The following SLC22A5 variants were observed in gnomAD, a reference collection of about 807,000 sequenced individuals.
SLC22A5 encodes the protein solute carrier family 22 member 5.
A neutral mutation model predicts 56.7 loss-of-function variants in SLC22A5; 44 were observed. That is an observed-to-expected ratio of 0.78 (90% CI 0.61 to 1.00). The LOEUF is 1.00. Among genes scored for constraint, SLC22A5 ranks in the 50% least tolerant of loss-of-function variants. The pLI is 0.00. For synonymous variants in SLC22A5, 278 were observed against 292.1 expected, an observed-to-expected ratio of 0.95 and a Z score of 0.49; for missense variants, 675 against 723.0, an observed-to-expected ratio of 0.93 and a Z score of 0.76.
intron 6 of SLC22A5, chr5:132,389,968 G>A (rs2126788999): frequency 6.4e-6 from 1 of 156,892 alleles, no homozygotes; most frequent in African/African-American, 2.4e-5. Context: ...TATTGTACCA[G>A]CTGTGTGTTC....
chr5:132,385,205 G>C lies in SLC22A5; in HGVS notation c.653-123G>C. On this transcript the variant is annotated intron_variant, in intron 3 of 9. Coordinates refer to ENST00000245407, the MANE Select transcript of SLC22A5 (RefSeq NM_003060.4). ...TTCAGAACGCCATCCGCTCCCTAGC[G>C]CCATGAACTTAGAGAGAGTTCTCGC... is the stretch of plus-strand genomic sequence containing the variant. The C allele has an allele frequency of 9.9e-6, 9 of 909,244 alleles. No homozygotes were observed. The South Asian group carries it at 1.2e-4, about 12-fold the overall frequency. The allele number at this position is 909,244 out of a possible 1,614,324, so 56.3% of individuals were successfully genotyped here.
In SLC22A5 at chr5:132,394,353, T is replaced by G. The variant is rs1326358288; in HGVS notation, c.*81T>G. 2 of 998,936 alleles carry G rather than the reference T, an allele frequency of 2.0e-6. No homozygotes were observed. Among genetic ancestry groups the G allele is most frequent in the Non-Finnish European group, 3.1e-6 (2 of 652,822 alleles). 61.9% of individuals were successfully genotyped at this position (998,936 alleles called of 1,614,324 possible). A position where few individuals can be genotyped will look rare whatever the true frequency, so the allele number is the denominator to read the frequency against. ...CCAGCTTGTGCAGACTCCGAGTCCT[T>G]CAGTGACAAAAGGCCTTTGCTGTTT... On this transcript the variant is annotated 3_prime_UTR_variant, in exon 10 of 10. Transcript: ENST00000245407.
At position 132,378,367 on chromosome 5, in the gene SLC22A5, T is replaced by C. The variant is rs1279716415; in HGVS notation, c.394-11T>C. ...GAAGTGAATGATACACCCCCTTTGC[T>C]CATCTTGCAGTGGAACCTGGTGTGT... is the stretch of plus-strand genomic sequence containing the variant. On this transcript the variant is annotated splice_polypyrimidine_tract_variant and intron_variant, in intron 1 of 9. Transcript: ENST00000245407. 6.2e-7 allele frequency: 1 copy of C among 1,613,746 alleles called. No individual in the cohort carries two copies. The highest frequency in any genetic ancestry group is 8.5e-7 in the Non-Finnish European group (1 of 1,179,596).
At chr5:132,389,337 G>A (rs1473369502) in intron 6 of SLC22A5, 11 of 368,994 alleles carry the variant, frequency 3.0e-5, no homozygotes, top group African/African-American at 8.5e-5. Flanking sequence ...CCCAGTTACC[G>A]ACAGTGGCTG....
intron 3 of SLC22A5, among the ~76,000 whole-genome samples, chr5:132,384,872 G>A (rs887163754): frequency 1.4e-4 from 22 of 152,232 alleles, no homozygotes; most frequent in Admixed American, 9.2e-4. Flanking sequence ...CTGCCAGGCC[G>A]GCCTGTGTTT....
In SLC22A5 at chr5:132,370,217, G is replaced by T. The variant is rs986913287; in HGVS notation, c.245G>T (p.Arg82Leu). 3 of 1,586,004 alleles carry T rather than the reference G, an allele frequency of 1.9e-6. No homozygotes were observed. The African/African-American group carries it at 4.0e-5, about 21-fold the overall frequency. Residue 82 changes from arginine to leucine, a missense_variant, in exon 1 of 10, where the codon CGC becomes CTC. Physicochemically the swap from Arg to Leu is moderately radical, Grantham distance 102 (BLOSUM62 -2). Coordinates refer to ENST00000245407, the MANE Select transcript of SLC22A5 (RefSeq NM_003060.4). Reference sequence around the variant, plus strand: ...GGCCGCGAGGTGCCCCACAGCTGCCGCCGCTACCGGCTCGCCACCATCGCC... The same window carrying T: ...GGCCGCGAGGTGCCCCACAGCTGCCTCCGCTACCGGCTCGCCACCATCGCC... ...RDGREVPHSC[R>L]RYRLATIANF...
At chr5:132,376,002 A>G (rs978382969) in intron 1 of SLC22A5, 1 of 152,204 alleles carries the variant, frequency 6.6e-6, no homozygotes, top group Admixed American at 6.5e-5. Context: ...GGAGCTAAGG[A>G]ATGCTAGACT....
intron 1 of SLC22A5, 132 bp downstream of exon 1, chr5:132,370,497 G>A: frequency 2.8e-6 from 3 of 1,063,638 alleles, no homozygotes; most frequent in South Asian, 1.5e-5. Context: ...CAACACCCTA[G>A]CGATGGAGAC....
intron 2 of SLC22A5, chr5:132,382,837 A>G (rs1752396999): frequency 2.0e-5 from 3 of 152,166 alleles, no homozygotes; most frequent in Admixed American, 1.3e-4. Context: ...TAATTTATTG[A>G]TATCCAAGTG....
At position 132,370,067 on chromosome 5, in the gene SLC22A5, A is replaced by G. The variant is rs72552725; in HGVS notation, c.95A>G (p.Asn32Ser). 2.4e-5 allele frequency: 39 copies of G among 1,612,846 alleles called. No homozygotes were observed. Among genetic ancestry groups the G allele is most frequent in the South Asian group, 9.9e-5 (9 of 91,056 alleles). ...CTGCTCAGCGCCAGCATCATCCCCA[A>G]TGGCTTCACCGGCCTGTCCTCCGTG... ...FFLLSASIIPNGFTGLSSVFL... is the reference protein window; with the variant it reads ...FFLLSASIIPSGFTGLSSVFL... Residue 32 changes from asparagine to serine, a missense_variant, in exon 1 of 10, where the codon AAT becomes AGT. Asn to Ser is a conservative substitution (Grantham distance 46, BLOSUM62 1). Coordinates refer to ENST00000245407, the MANE Select transcript of SLC22A5 (RefSeq NM_003060.4).
At chr5:132,379,410 A>C (rs1024354108) in intron 2 of SLC22A5, 4 of 152,216 alleles carry the variant, frequency 2.6e-5, no homozygotes, top group Admixed American at 2.6e-4. Flanking sequence ...GCCTCAAGCA[A>C]TCCTCCCTCC....
intron 1 of SLC22A5, among the ~76,000 whole-genome samples, chr5:132,374,467 G>T (rs2126771134): frequency 6.6e-6 from 1 of 152,282 alleles, no homozygotes; most frequent in East Asian, 1.9e-4. Flanking sequence ...TGGGAGCTGG[G>T]ACCGGGGCTG....
Position 132,389,019 on chromosome 5 carries a change from G to A in SLC22A5, c.1050G>A (p.Leu350=), listed in dbSNP as rs1330529673. The change falls in exon 6 of 10, where the codon CTG becomes CTA. Residue 350 remains leucine (L), a splice_region_variant and synonymous_variant. Coordinates refer to ENST00000245407, the MANE Select transcript of SLC22A5 (RefSeq NM_003060.4). ...TGGTCACCATCATGTCCATAATGCT[G>A]TGGTATGTAAAAGAGACCTGCCTGA... The part of the protein sequence containing the change: ...IRMVTIMSIM[L]WMTISVGYFG... 2 of 1,607,048 alleles carry A rather than the reference G, an allele frequency of 1.2e-6. No individual in the cohort carries two copies. Among genetic ancestry groups the A allele is most frequent in the South Asian group, 1.1e-5 (1 of 90,948 alleles).
intron 2 of SLC22A5, 151 bp downstream of exon 2, chr5:132,378,632 C>A: frequency 1.5e-6 from 1 of 686,654 alleles, no homozygotes. Flanking sequence ...AGACTCCATG[C>A]CTAGTAAGAA....
chr5:132,386,363 G>A (rs932497884), intron 4 of SLC22A5, among the ~76,000 whole-genome samples: 4 of 151,978 alleles, frequency 2.6e-5, no homozygotes, highest in South Asian at 2.1e-4. Flanking sequence ...GAGTAGCTGG[G>A]ACTACAGGTG....
At chr5:132,383,952 C>A in intron 2 of SLC22A5, 195 bp from the exon 3 acceptor site, 1 of 636,358 alleles carries the variant, frequency 1.6e-6, no homozygotes, top group Non-Finnish European at 2.8e-6. Flanking sequence ...CCAGGCTGTA[C>A]ATTTGTCATG....
chr5:132,387,237 C>G, intron 5 of SLC22A5, 86 bp downstream of exon 5: 1 of 1,521,130 alleles, frequency 6.6e-7, no homozygotes, highest in Non-Finnish European at 9.1e-7. Context: ...CCTCCCTGCT[C>G]ACAGCAGCCC....
intron 9 of SLC22A5, 102 bp from the exon 10 acceptor site, chr5:132,394,083 G>A (rs1752797189): frequency 2.3e-6 from 2 of 880,864 alleles, no homozygotes; most frequent in Non-Finnish European, 1.9e-6. Flanking sequence ...TCTGCTGCAG[G>A]ATTCTCTTCC....
intron 3 of SLC22A5, 99 bp from the exon 4 acceptor site, chr5:132,385,229 G>T (rs1191145314): frequency 9.2e-7 from 1 of 1,084,332 alleles, no homozygotes; most frequent in Non-Finnish European, 1.4e-6. Context: ...GAGAGTTCTC[G>T]CTGTTTTCTT....
Sources: gnomAD v4.1 joint callset for allele counts (sites outside exome capture counted in the v4.1 genomes callset) on GRCh38, gnomAD v4.1.1 for gene constraint, MANE v1.5 for transcripts, NCBI Gene and HGNC (gene_info 2026-07-23, HGNC 2026-07-21) for gene names.